DYDC1: variants seen among roughly 807,000 people sequenced by gnomAD.
The protein encoded by DYDC1 is DPY30 domain-containing protein 1.
Under a neutral mutation model 27.9 loss-of-function variants are expected in DYDC1, and 21 were observed. That is an observed-to-expected ratio of 0.75 (90% CI 0.53 to 1.08). DYDC1 has a LOEUF of 1.08. DYDC1 is among the 50% of genes least tolerant of loss of function. DYDC1 has a pLI of 0.00. For synonymous variants in DYDC1, 67 were observed against 65.8 expected (o/e 1.02, Z -0.09); for missense variants, 202 against 205.9 (o/e 0.98, Z 0.12).
chr10:80,347,276 C>CTTTTTTTTTTTTT lies in DYDC1; in HGVS notation c.249+4612_249+4624dup, dbSNP rs556362145. Reference sequence around the variant, plus strand: ...CTTTGCCCATTTTTTAATTGGGATCCTTTTTTTTTTTTTTTTTTTTTTTTT... The same window carrying CTTTTTTTTTTTTT: ...CTTTGCCCATTTTTTAATTGGGATCCTTTTTTTTTTTTTTTTTTTTTTTTTTTTTTTTTTTTTT... On this transcript the variant is annotated intron_variant, in intron 3 of 6. Transcript: ENST00000372202. Among the ~76,000 whole-genome samples, 9 of 90,122 alleles carry CTTTTTTTTTTTTT rather than the reference C, an allele frequency of 1.0e-4. 2 individuals carry two copies. Among genetic ancestry groups the CTTTTTTTTTTTTT allele is most frequent in the African/African-American group, 1.3e-4 (3 of 22,872 alleles). The allele number at this position is 90,122 out of a possible 152,430, so 59.1% of individuals were successfully genotyped here.
In DYDC1 at chr10:80,347,718, C is replaced by T. The variant is rs186402102; in HGVS notation, c.249+4183G>A. ...CGTTCATTGAAGAGACTATCCTTTT[C>T]CCTTTGTGTTTTCTTGCAGGGCTTG... On this transcript the variant is annotated intron_variant, in intron 3 of 6. Coordinates refer to ENST00000372202, the MANE Select transcript of DYDC1 (RefSeq NM_001269053.2). Among the ~76,000 whole-genome samples the T allele has an allele frequency of 3.2e-3, 492 of 152,234 alleles. 18 individuals are homozygous for T. Among genetic ancestry groups the T allele is most frequent in the Middle Eastern group, 3.4e-3 (1 of 294 alleles).
At chr10:80,349,617 G>C (rs892662089) in intron 3 of DYDC1, among the ~76,000 whole-genome samples, 1 of 152,146 alleles carries the variant, frequency 6.6e-6, no homozygotes, top group Admixed American at 6.5e-5. Flanking sequence ...TAGCTGAAAC[G>C]CAGAAACAGT....
chr10:80,347,905 T>C (rs1267944267), intron 3 of DYDC1, among the ~76,000 whole-genome samples: 1 of 152,206 alleles, frequency 6.6e-6, no homozygotes, highest in Admixed American at 6.5e-5. Context: ...CAACTTCGTT[T>C]TTCTTTCTTA....
In DYDC1 at chr10:80,351,035, T is replaced by A. The variant is rs567585052; in HGVS notation, c.249+866A>T. Among the ~76,000 whole-genome samples the A allele has an allele frequency of 3.9e-5, 6 of 152,306 alleles. No individual in the cohort carries two copies. The South Asian group carries it at 1.2e-3, about 32-fold the overall frequency. On this transcript the variant is annotated intron_variant, in intron 3 of 6. Transcript: ENST00000372202. ...ATCAAATGGCACGATTATCAGTACTTGATCTTCAACTGCTACCAAGTAATG... is the reference window on the plus strand; with the variant it reads ...ATCAAATGGCACGATTATCAGTACTAGATCTTCAACTGCTACCAAGTAATG...
intron 3 of DYDC1, among the ~76,000 whole-genome samples, chr10:80,345,824 G>A (rs976894217): frequency 1.3e-5 from 2 of 151,986 alleles, no homozygotes; most frequent in Admixed American, 1.3e-4. Flanking sequence ...ATACATATAT[G>A]TGAGATATAT....
rs562442210 is a variant in DYDC1, at chr10:80,356,151, G to A, written c.-10+561C>T. 7.7e-5 allele frequency: 58 copies of A among 753,138 alleles called. No individual in the cohort carries two copies. The African/African-American group carries it at 1.0e-3, about 14-fold the overall frequency. The allele number at this position is 753,138 out of a possible 1,614,324, so 46.7% of individuals were successfully genotyped here. A position where few individuals can be genotyped will look rare whatever the true frequency, so the allele number is the denominator to read the frequency against. The stretch of plus-strand genomic sequence containing the variant: ...TCTCGGATTTCTGGGCATATCAGTG[G>A]GACCCAGGCAAGGCCTGCCAACTCC... On this transcript the variant is annotated intron_variant, in intron 1 of 6. Transcript: ENST00000372202.
chr10:80,345,837 A>T (rs1009872226), intron 3 of DYDC1, among the ~76,000 whole-genome samples: 2 of 152,174 alleles, frequency 1.3e-5, no homozygotes, highest in African/African-American at 4.8e-5. Flanking sequence ...AGATATATAT[A>T]TACAAGATAT....
chr10:80,356,643 G>A (rs1252091650), intron 1 of DYDC1, 69 bp downstream of exon 1: 3 of 985,094 alleles, frequency 3.0e-6, no homozygotes, highest in Non-Finnish European at 2.4e-6. Context: ...AACCGCCTCT[G>A]CCCGCCGGAC....
intron 3 of DYDC1, among the ~76,000 whole-genome samples, chr10:80,346,751 C>A (rs1842665166): frequency 6.6e-6 from 1 of 151,818 alleles, no homozygotes; most frequent in African/African-American, 2.4e-5. Flanking sequence ...TGAGCCACTG[C>A]CCCCGGCCAT....
intron 1 of DYDC1, chr10:80,356,264 C>A (rs1205550826): frequency 7.1e-6 from 7 of 985,448 alleles, no homozygotes; most frequent in Non-Finnish European, 8.4e-6. Context: ...CAATAGGCAT[C>A]TTGGCTCAAC....
intron 6 of DYDC1, chr10:80,336,447 C>T: frequency 2.7e-6 from 2 of 736,262 alleles, no homozygotes; most frequent in Non-Finnish European, 3.3e-6. Flanking sequence ...GTGGCCATCC[C>T]TTCAATGTTA....
At chr10:80,337,444 G>T (rs759722597) in intron 6 of DYDC1, 19 of 985,198 alleles carry the variant, frequency 1.9e-5, no homozygotes, top group East Asian at 2.3e-4. Flanking sequence ...TTGTCCCCTA[G>T]ATTACTACCT....
chr10:80,345,339 C>A (rs1034182554), intron 3 of DYDC1, among the ~76,000 whole-genome samples: 2 of 152,208 alleles, frequency 1.3e-5, no homozygotes, highest in South Asian at 4.2e-4. Context: ...ATTGAAGATG[C>A]ATATAATGTT....
In DYDC1 at chr10:80,352,057, A is replaced by G. The variant is rs976438469; in HGVS notation, c.148-55T>C. 14 of 1,551,098 alleles carry G rather than the reference A, an allele frequency of 9.0e-6. No individual in the cohort carries two copies. In the African/African-American group the frequency reaches 1.6e-4, roughly 18 times the overall value. The stretch of plus-strand genomic sequence containing the variant: ...ACTTCTTAGCGAGAAAGCAATTTGT[A>G]AAAGCAATCTTGAAAGCACTTAATA... On this transcript the variant is annotated intron_variant, in intron 2 of 6. Coordinates refer to ENST00000372202, the MANE Select transcript of DYDC1 (RefSeq NM_001269053.2).
intron 3 of DYDC1, among the ~76,000 whole-genome samples, chr10:80,351,483 A>G (rs915014309): frequency 6.6e-6 from 1 of 150,710 alleles, no homozygotes; most frequent in Non-Finnish European, 1.5e-5. Flanking sequence ...GCCTAAGTCC[A>G]CCCACCCCCA....
intron 3 of DYDC1, among the ~76,000 whole-genome samples, chr10:80,350,899 C>T (rs1156407457): frequency 6.6e-6 from 1 of 152,148 alleles, no homozygotes; most frequent in Non-Finnish European, 1.5e-5. Flanking sequence ...ATATCTTCAG[C>T]TCCCTAATCA....
intron 6 of DYDC1, among the ~76,000 whole-genome samples, chr10:80,336,696 T>C (rs1250156103): frequency 6.6e-6 from 1 of 152,228 alleles, no homozygotes; most frequent in Non-Finnish European, 1.5e-5. Context: ...AAAAACCTGC[T>C]TCCTCTTATG....
chr10:80,341,158 C>T (rs958085122), intron 4 of DYDC1, among the ~76,000 whole-genome samples: 1 of 151,898 alleles, frequency 6.6e-6, no homozygotes, highest in African/African-American at 2.4e-5. Flanking sequence ...TAAACTCAGT[C>T]ATCTAGAATA....
chr10:80,352,040 G>C, intron 2 of DYDC1, 38 bp from the exon 3 acceptor site: 1 of 1,594,766 alleles, frequency 6.3e-7, no homozygotes, highest in Non-Finnish European at 8.6e-7. Flanking sequence ...CGACTTCTTA[G>C]CGAGAAAGCA....
Sources: allele counts gnomAD v4.1 joint callset (sites outside exome capture counted in the v4.1 genomes callset), GRCh38; gene constraint gnomAD v4.1.1; transcripts MANE v1.5; gene names NCBI Gene and HGNC (gene_info 2026-07-23, HGNC 2026-07-21).